Variants in CFAP20DC observed in about 807,000 individuals in gnomAD.
The protein encoded by CFAP20DC is protein CFAP20DC.
CFAP20DC carries 84 observed loss-of-function variants against 101.7 expected under a neutral mutation model. That is an observed-to-expected ratio of 0.83 (90% CI 0.69 to 0.99). The LOEUF (loss-of-function observed/expected upper bound fraction) is 0.99. CFAP20DC is among the 50% of genes least tolerant of loss of function. CFAP20DC has a pLI of 0.00. For missense variants in CFAP20DC, 1,007 were observed against 970.3 expected (o/e 1.04, Z -0.50); for synonymous variants, 359 against 351.2 (o/e 1.02, Z -0.25).
intron 4 of CFAP20DC, among the ~76,000 whole-genome samples, chr3:58,973,690 T>G (rs1402301743): frequency 6.6e-6 from 1 of 152,112 alleles, no homozygotes; most frequent in East Asian, 1.9e-4. Flanking sequence ...ATAGTTAAAA[T>G]GAAGAGACTA....
At chr3:58,816,744 G>C (rs2075196888) in intron 14 of CFAP20DC, among the ~76,000 whole-genome samples, 1 of 152,160 alleles carries the variant, frequency 6.6e-6, no homozygotes, top group Non-Finnish European at 1.5e-5. Flanking sequence ...GGCTTGCTTA[G>C]GTAAACAAAG....
At position 58,728,790 on chromosome 3, in the gene CFAP20DC, T is replaced by G. The variant is rs2067593779; in HGVS notation, c.198-11162A>C. ...ATGGAACATCCTTTCAATTACTAGGTCTTTGTTGTAGCCTCTTTCCAAGAC... is the reference window on the plus strand; with the variant it reads ...ATGGAACATCCTTTCAATTACTAGGGCTTTGTTGTAGCCTCTTTCCAAGAC... On this transcript the variant is annotated intron_variant, in intron 3 of 3. Coordinates refer to the CFAP20DC transcript ENST00000486145. The surrounding 1 kb of genome is among the most constrained non-coding windows in gnomAD (Gnocchi z 4.7). Among the ~76,000 whole-genome samples the G allele has an allele frequency of 6.6e-6, 1 of 152,114 alleles. No individual in the cohort carries two copies. The highest frequency in any genetic ancestry group is 2.1e-4 in the South Asian group (1 of 4,820).
rs577436014 is a variant in CFAP20DC, at chr3:58,729,018, T to G, written c.198-11390A>C. On this transcript the variant is annotated intron_variant, in intron 3 of 3. Transcript: ENST00000486145. This position sits in a 1 kb window ranked among gnomAD's most constrained non-coding sequence, Gnocchi z 4.4. Reference sequence around the variant, plus strand: ...TTTCTCTGAAGGAAGCCAACCACAATGTTTCATAGTCACTCAGTCATATGG... The same window carrying G: ...TTTCTCTGAAGGAAGCCAACCACAAGGTTTCATAGTCACTCAGTCATATGG... Among the ~76,000 whole-genome samples, 15 of 152,292 alleles carry G rather than the reference T, an allele frequency of 9.8e-5. 1 individual carries two copies. In the East Asian group the frequency reaches 2.9e-3, roughly 29 times the overall value.
chr3:58,933,887 C>T (rs987260466), intron 5 of CFAP20DC, among the ~76,000 whole-genome samples: 5 of 151,772 alleles, frequency 3.3e-5, no homozygotes, highest in Non-Finnish European at 7.4e-5. Context: ...CAAACACATT[C>T]AAAAGCTAGC....
intron 3 of CFAP20DC, among the ~76,000 whole-genome samples, chr3:58,718,733 C>G (rs1364075903): frequency 1.3e-5 from 2 of 152,184 alleles, no homozygotes; most frequent in Admixed American, 1.3e-4. Flanking sequence ...TCTGCCATAT[C>G]CCCAGTTCTC....
intron 13 of CFAP20DC, among the ~76,000 whole-genome samples, chr3:58,832,966 T>C (rs2076497168): frequency 6.6e-6 from 1 of 152,224 alleles, no homozygotes; most frequent in African/African-American, 2.4e-5. Flanking sequence ...ACACTGGTTG[T>C]ACTAATAAGG....
Position 59,049,969 on chromosome 3 carries a change from C to A in CFAP20DC, c.-338G>T. 1 of 295,510 alleles carries A rather than the reference C, an allele frequency of 3.4e-6. No individual in the cohort carries two copies. The highest frequency in any genetic ancestry group is 6.3e-5 in the East Asian group (1 of 15,816). The allele number at this position is 295,510 out of a possible 1,614,324, so 18.3% of individuals were successfully genotyped here. A position where few individuals can be genotyped will look rare whatever the true frequency, so the allele number is the denominator to read the frequency against. On this transcript the variant is annotated 5_prime_UTR_variant, in exon 1 of 17. Transcript: ENST00000482387. ...CGCCCAGTCGCGGAGCCACAGACAA[C>A]CGCCCGCTGGCCTAGGAAAAGCGGG...
intron 14 of CFAP20DC, among the ~76,000 whole-genome samples, chr3:58,829,540 A>G (rs2076258887): frequency 1.3e-5 from 2 of 152,136 alleles, no homozygotes; most frequent in South Asian, 2.1e-4. Flanking sequence ...GGTAGTTCCA[A>G]TGTTAGATAG....
intron 4 of CFAP20DC, among the ~76,000 whole-genome samples, chr3:59,008,131 G>A (rs1350559866): frequency 6.6e-6 from 1 of 152,164 alleles, no homozygotes; most frequent in African/African-American, 2.4e-5. Flanking sequence ...CCCCACAGAA[G>A]AAGCACACCC....
chr3:58,926,785 G>C (rs961906919), intron 5 of CFAP20DC, among the ~76,000 whole-genome samples: 2 of 152,148 alleles, frequency 1.3e-5, no homozygotes, highest in African/African-American at 4.8e-5. Flanking sequence ...CCATTTAAAT[G>C]ACAAACACTG....
intron 16 of CFAP20DC, among the ~76,000 whole-genome samples, chr3:58,751,522 G>A (rs2068572933): frequency 6.6e-6 from 1 of 152,078 alleles, no homozygotes; most frequent in Non-Finnish European, 1.5e-5. Flanking sequence ...GCCGGCTGAG[G>A]GCTGACAGGT....
chr3:58,769,435 A>C (rs2070632136), intron 15 of CFAP20DC, among the ~76,000 whole-genome samples: 1 of 152,202 alleles, frequency 6.6e-6, no homozygotes, highest in African/African-American at 2.4e-5. Flanking sequence ...GTGTCTGGCC[A>C]TCATGTCTGA....
chr3:58,780,471 A>G (rs968667531), intron 15 of CFAP20DC, among the ~76,000 whole-genome samples: 5 of 152,078 alleles, frequency 3.3e-5, no homozygotes, highest in Non-Finnish European at 7.4e-5. Context: ...GAATGAATTA[A>G]TGTTTCCATT....
chr3:58,779,615 A>C (rs952278913), intron 15 of CFAP20DC, among the ~76,000 whole-genome samples: 1 of 152,228 alleles, frequency 6.6e-6, no homozygotes, highest in Non-Finnish European at 1.5e-5. Flanking sequence ...CAGAAGAAAG[A>C]ATCTCAGAAC....
intron 5 of CFAP20DC, among the ~76,000 whole-genome samples, chr3:58,931,780 C>A (rs867764554): frequency 6.6e-6 from 1 of 152,172 alleles, no homozygotes; most frequent in African/African-American, 2.4e-5. Context: ...CTGTACATCA[C>A]CATCATCAAA....
chr3:58,841,343 T>C (rs999649942), intron 13 of CFAP20DC, among the ~76,000 whole-genome samples: 13 of 152,196 alleles, frequency 8.5e-5, no homozygotes, highest in East Asian at 3.8e-4. Context: ...GAGAGAGAGA[T>C]GGCTTGAACA....
rs1291475773 is a variant in CFAP20DC at position 58,894,193 on chromosome 3, C to T, written c.551-9484G>A. Among the ~76,000 whole-genome samples, 1 of 152,164 alleles carries T rather than the reference C, an allele frequency of 6.6e-6. No individual in the cohort carries two copies. The highest frequency in any genetic ancestry group is 6.5e-5 in the Admixed American group (1 of 15,278). ...TGGCCCCTCCCAAATCTCACGTCCTCACATTTCAAAGCCAATTATGCCTTC... is the reference window on the plus strand; with the variant it reads ...TGGCCCCTCCCAAATCTCACGTCCTTACATTTCAAAGCCAATTATGCCTTC... On this transcript the variant is annotated intron_variant, in intron 6 of 16. Transcript: ENST00000482387. The surrounding 1 kb of genome is among the most constrained non-coding windows in gnomAD (Gnocchi z 4.1).
Position 58,742,531 on chromosome 3 carries a change from T to A in CFAP20DC, c.2374A>T (p.Thr792Ser). The A allele has an allele frequency of 6.2e-7, 1 of 1,608,814 alleles. No individual in the cohort carries two copies. Among genetic ancestry groups the A allele is most frequent in the East Asian group, 2.2e-5 (1 of 44,536 alleles). ...LSVEEDEEVL[T>S]LLYDPCLNCY... ...TTCAGACAAGGGTCATACAACAAAG[T>A]CAGTACTTCCTCGTCCTCTTCCACA... Residue 792 changes from threonine (T) to serine (S), a missense_variant, in exon 17 of 17, where the codon ACT becomes TCT. Transcript: ENST00000482387.
chr3:58,963,344 A>T (rs1480421036), intron 4 of CFAP20DC, among the ~76,000 whole-genome samples: 1 of 151,982 alleles, frequency 6.6e-6, no homozygotes, highest in Non-Finnish European at 1.5e-5. Context: ...TTTTTGGAAG[A>T]TAATTTGCTG....
Sources: gnomAD v4.1 joint callset for allele counts (sites outside exome capture counted in the v4.1 genomes callset) on GRCh38, gnomAD v4.1.1 for gene constraint, Gnocchi (gnomAD v3.1) non-coding constraint, MANE v1.5 for transcripts, NCBI Gene and HGNC (gene_info 2026-07-23, HGNC 2026-07-21) for gene names.